NME1: variants seen among roughly 807,000 people sequenced by gnomAD.
NME1 encodes the protein nucleoside diphosphate kinase A.
Under a neutral mutation model 17.2 loss-of-function variants are expected in NME1, and 9 were observed. That is an observed-to-expected ratio of 0.52 (90% CI 0.32 to 0.92). NME1 has a LOEUF of 0.92. Among genes scored for constraint, NME1 ranks in the 40% least tolerant of loss-of-function variants. The pLI is 0.04. For synonymous variants in NME1, 72 were observed against 70.8 expected (o/e 1.02, Z -0.09); for missense variants, 169 against 201.7 (o/e 0.84, Z 0.98).
Position 51,162,050 on chromosome 17 carries a change from T to G in NME1, c.*205T>G, listed in dbSNP as rs1568123159. The G allele has an allele frequency of 5.4e-6, 3 of 556,956 alleles. No individual in the cohort carries two copies. Among genetic ancestry groups the G allele is most frequent in the Non-Finnish European group, 6.5e-6 (2 of 309,818 alleles). The allele number at this position is 556,956 out of a possible 1,614,324, so 34.5% of individuals were successfully genotyped here. ...TCCTCCCAGCATAGGATTCATTGAG[T>G]TGGTTACTTCATATTGTTGCATTGC... is the stretch of plus-strand genomic sequence containing the variant. On this transcript the variant is annotated 3_prime_UTR_variant, in exon 5 of 5. Coordinates refer to ENST00000393196, the MANE Select transcript of NME1 (RefSeq NM_000269.3).
In NME1 at chr17:51,161,216, C is replaced by T; in HGVS notation, c.285C>T (p.Asn95=). 6.2e-7 allele frequency: 1 copy of T among 1,613,112 alleles called. No homozygotes were observed. Among genetic ancestry groups the T allele is most frequent in the Non-Finnish European group, 8.5e-7 (1 of 1,179,696 alleles). ...KTGRVMLGET[N]PADSKPGTIR... ...GCCGAGTCATGCTCGGGGAGACCAA[C>T]CCTGCAGACTCCAAGCCTGGGACCA... The change falls in exon 4 of 5, where the codon AAC becomes AAT. Residue 95 remains asparagine (N), a synonymous_variant. Coordinates refer to ENST00000393196, the MANE Select transcript of NME1 (RefSeq NM_000269.3).
chr17:51,155,612 A>G (rs1324409856), intron 1 of NME1, 39 bp from the exon 2 acceptor site: 2 of 1,611,806 alleles, frequency 1.2e-6, no homozygotes, highest in Non-Finnish European at 1.7e-6. Flanking sequence ...TAGGCAAGTG[A>G]TTCACTGCTG....
Position 51,161,874 on chromosome 17 carries a change from A to G in NME1, c.*29A>G. On this transcript the variant is annotated 3_prime_UTR_variant, in exon 5 of 5. Coordinates refer to ENST00000393196, the MANE Select transcript of NME1 (RefSeq NM_000269.3). ...GAGGGCAGACCACATTGCTTTTCAC[A>G]TCCATTTCCCCTCCTTCCCATGGGC... The G allele has an allele frequency of 7.1e-7, 1 of 1,399,690 alleles. No homozygotes were observed. The highest frequency in any genetic ancestry group is 1.0e-6 in the Non-Finnish European group (1 of 985,084). 86.7% of individuals were successfully genotyped at this position (1,399,690 alleles called of 1,614,324 possible). A position where few individuals can be genotyped will look rare whatever the true frequency, so the allele number is the denominator to read the frequency against.
intron 2 of NME1, among the ~76,000 whole-genome samples, chr17:51,156,897 A>G (rs1439623865): frequency 6.6e-6 from 1 of 151,200 alleles, no homozygotes; most frequent in Non-Finnish European, 1.5e-5. Flanking sequence ...ATCTCCAAAA[A>G]AAAAAAAAAA....
chr17:51,159,704 G>C (rs2049837024), intron 2 of NME1, among the ~76,000 whole-genome samples: 1 of 128,094 alleles, frequency 7.8e-6, no homozygotes, highest in African/African-American at 2.8e-5. Flanking sequence ...CCAGGAGTTT[G>C]ATTTTTTTTT....
intron 2 of NME1, among the ~76,000 whole-genome samples, chr17:51,159,248 GT>G (rs1207405581): frequency 1.3e-5 from 2 of 152,182 alleles, no homozygotes; most frequent in Non-Finnish European, 2.9e-5. Context: ...GAGTCCAGGA[GT>G]TTGAGACCAG....
chr17:51,160,914 C>T (rs1307536975), intron 3 of NME1, among the ~76,000 whole-genome samples: 1 of 152,104 alleles, frequency 6.6e-6, no homozygotes, highest in Non-Finnish European at 1.5e-5. Context: ...CCTGCCCACA[C>T]TTGGCATTTT....
Position 51,159,974 on chromosome 17 carries a change from G to C in NME1, c.127-6G>C, listed in dbSNP as rs1335693193. On this transcript the variant is annotated splice_region_variant and splice_polypyrimidine_tract_variant and intron_variant, in intron 2 of 4. Coordinates refer to ENST00000393196, the MANE Select transcript of NME1 (RefSeq NM_000269.3). ...GGTTATTCTCATTCTCTGTCCTGTTGAATAGGCTTCCGAAGATCTTCTCAA... is the reference window on the plus strand; with the variant it reads ...GGTTATTCTCATTCTCTGTCCTGTTCAATAGGCTTCCGAAGATCTTCTCAA... 1 of 1,614,096 alleles carries C rather than the reference G, an allele frequency of 6.2e-7. No individual in the cohort carries two copies. Among genetic ancestry groups the C allele is most frequent in the Non-Finnish European group, 8.5e-7 (1 of 1,179,990 alleles).
intron 3 of NME1, 56 bp from the exon 4 acceptor site, chr17:51,161,104 G>A (rs772077080): frequency 6.5e-7 from 1 of 1,545,176 alleles, no homozygotes; most frequent in Non-Finnish European, 8.8e-7. Context: ...ATAGTTGCCA[G>A]ATTTTCTGCT....
At chr17:51,161,447 C>A in intron 4 of NME1, 175 bp downstream of exon 4, 1 of 717,672 alleles carries the variant, frequency 1.4e-6, no homozygotes. Context: ...ATCACTTAGT[C>A]GTACCTCTGT....
intron 3 of NME1, chr17:51,160,573 T>C (rs2049850076): frequency 3.7e-6 from 1 of 271,964 alleles, no homozygotes; most frequent in South Asian, 3.9e-5. Context: ...ACTTCCTGAG[T>C]GCTGGGAAGC....
chr17:51,158,410 A>T lies in NME1; in HGVS notation c.127-1570A>T, dbSNP rs1259002359. Among the ~76,000 whole-genome samples, 2 of 152,244 alleles carry T rather than the reference A, an allele frequency of 1.3e-5. 1 individual carries two copies. The highest frequency in any genetic ancestry group is 4.1e-4 in the South Asian group (2 of 4,836). Reference sequence around the variant, plus strand: ...AGCTATGATCATGCCATTGCACTCCAGCCTGGGTGACAGAAAGACCCTGTC... The same window carrying T: ...AGCTATGATCATGCCATTGCACTCCTGCCTGGGTGACAGAAAGACCCTGTC... On this transcript the variant is annotated intron_variant, in intron 2 of 4. Transcript: ENST00000393196.
At chr17:51,158,489 T>G (rs953814600) in intron 2 of NME1, among the ~76,000 whole-genome samples, 3 of 152,104 alleles carry the variant, frequency 2.0e-5, no homozygotes, top group African/African-American at 7.2e-5. Flanking sequence ...TTAATAGAAT[T>G]AAAAAAGTAT....
At chr17:51,159,327 G>A (rs1408116082) in intron 2 of NME1, among the ~76,000 whole-genome samples, 1 of 152,174 alleles carries the variant, frequency 6.6e-6, no homozygotes, top group Non-Finnish European at 1.5e-5. Context: ...ATGGCTGGGC[G>A]CGGTGGCTTA....
intron 1 of NME1, 174 bp downstream of exon 1, chr17:51,153,836 C>G (rs569105788): frequency 6.0e-6 from 1 of 166,900 alleles, no homozygotes; most frequent in East Asian, 1.7e-4. Context: ...GGCGCACGTC[C>G]CACGCCACGT....
chr17:51,162,122 A>G lies in NME1; in HGVS notation c.*277A>G. The stretch of plus-strand genomic sequence containing the variant: ...TACACTGAATAACCTGACCTAATAG[A>G]GAGTGTAAATACTATAAAAATGATT... On this transcript the variant is annotated 3_prime_UTR_variant, in exon 5 of 5. Coordinates refer to ENST00000393196, the MANE Select transcript of NME1 (RefSeq NM_000269.3). 1 of 387,682 alleles carries G rather than the reference A, an allele frequency of 2.6e-6. No homozygotes were observed. Among genetic ancestry groups the G allele is most frequent in the Non-Finnish European group, 4.8e-6 (1 of 206,360 alleles). 24.0% of individuals were successfully genotyped at this position (387,682 alleles called of 1,614,324 possible). A position where few individuals can be genotyped will look rare whatever the true frequency, so the allele number is the denominator to read the frequency against.
chr17:51,160,190 G>A, intron 3 of NME1, 109 bp downstream of exon 3: 2 of 1,162,062 alleles, frequency 1.7e-6, no homozygotes, highest in Non-Finnish European at 2.6e-6. Context: ...ATAGATACCT[G>A]TTTTCATATA....
chr17:51,161,351 T>C, intron 4 of NME1, 79 bp downstream of exon 4: 1 of 1,267,556 alleles, frequency 7.9e-7, no homozygotes, highest in Non-Finnish European at 1.1e-6. Flanking sequence ...AGGCTGGAGG[T>C]AGACATGATA....
intron 2 of NME1, among the ~76,000 whole-genome samples, chr17:51,159,326 C>T (rs1330858475): frequency 2.0e-5 from 3 of 152,106 alleles, no homozygotes; most frequent in Non-Finnish European, 2.9e-5. Flanking sequence ...TATGGCTGGG[C>T]GCGGTGGCTT....
Sources: allele counts gnomAD v4.1 joint callset (sites outside exome capture counted in the v4.1 genomes callset), GRCh38; gene constraint gnomAD v4.1.1; transcripts MANE v1.5; gene names NCBI Gene and HGNC (gene_info 2026-07-23, HGNC 2026-07-21).